The following ADGRL2 variants were observed in gnomAD, a reference collection of about 807,000 sequenced individuals.
The protein encoded by ADGRL2 is calcium-independent alpha-latrotoxin receptor 2.
In ADGRL2, 44 loss-of-function variants were observed where a neutral mutation model predicts 157.4. The observed-to-expected ratio is 0.28, with a 90% confidence interval of 0.22 to 0.36. ADGRL2 has a LOEUF of 0.36. ADGRL2 is among the 10% of genes least tolerant of loss of function. The pLI, the probability that ADGRL2 is intolerant of heterozygous loss-of-function variation, is 1.00. For missense variants in ADGRL2, 1,510 were observed against 1,768.9 expected (o/e 0.85, Z 2.63); for synonymous variants, 585 against 624.7 (o/e 0.94, Z 0.95).
intron 1 of ADGRL2, among the ~76,000 whole-genome samples, chr1:81,831,916 TGC>T (rs1231351009): frequency 6.6e-6 from 1 of 152,174 alleles, no homozygotes. Flanking sequence ...ATCTAAGCTC[TGC>T]TGCTTATTAG....
chr1:81,799,434 A>G (rs1176955733), upstream of ADGRL2, among the ~76,000 whole-genome samples: 1 of 152,220 alleles, frequency 6.6e-6, no homozygotes, highest in Non-Finnish European at 1.5e-5. Flanking sequence ...GAGAATTACA[A>G]TGAAACCACC....
chr1:81,475,673 G>A (rs534087552), intron 2 of ADGRL2, among the ~76,000 whole-genome samples: 1 of 152,050 alleles, frequency 6.6e-6, no homozygotes, highest in East Asian at 1.9e-4. Flanking sequence ...GGATTATTTG[G>A]GGGGAGGAGA....
At position 81,431,448 on chromosome 1, in the gene ADGRL2, C is replaced by T. The variant is rs78993209; in HGVS notation, c.-301-13588C>T. 8.9e-3 allele frequency among the ~76,000 whole-genome samples: 1,350 copies of T among 152,208 alleles called. 16 individuals are homozygous for T. The highest frequency in any genetic ancestry group is 0.047 in the East Asian group (243 of 5,160). On this transcript the variant is annotated intron_variant, in intron 1 of 24. Coordinates refer to the ADGRL2 transcript ENST00000370721. Reference sequence around the variant, plus strand: ...GAGGCTGCCGCTGAAGGGCCACAAACGTGGCCCCTAGAGAATCTTCTGGTC... The same window carrying T: ...GAGGCTGCCGCTGAAGGGCCACAAATGTGGCCCCTAGAGAATCTTCTGGTC...
intron 3 of ADGRL2, among the ~76,000 whole-genome samples, chr1:81,613,900 T>G (rs1316406390): frequency 2.0e-5 from 3 of 152,226 alleles, no homozygotes; most frequent in East Asian, 3.8e-4. Flanking sequence ...GAATCTCATT[T>G]CTGTTCTAAA....
intron 19 of ADGRL2, 125 bp downstream of exon 19, chr1:81,982,101 T>C (rs1481816597): frequency 3.8e-6 from 3 of 790,774 alleles, no homozygotes; most frequent in Non-Finnish European, 5.6e-6. Context: ...TTTTTAATTA[T>C]AAGTTAATTT....
At chr1:81,819,630 G>T (rs1414059639) in intron 1 of ADGRL2, among the ~76,000 whole-genome samples, 1 of 151,834 alleles carries the variant, frequency 6.6e-6, no homozygotes, top group Non-Finnish European at 1.5e-5. Flanking sequence ...CGATATTCAG[G>T]CTACATGATC....
At chr1:81,394,992 A>G (rs1557656210) in intron 1 of ADGRL2, among the ~76,000 whole-genome samples, 2 of 152,020 alleles carry the variant, frequency 1.3e-5, no homozygotes, top group East Asian at 3.9e-4. Flanking sequence ...TCCACCTCCC[A>G]GGTTCAAGCA....
rs11809789 is a variant in ADGRL2, at chr1:81,609,167, G to A, written c.-143+28187G>A. Among the ~76,000 whole-genome samples, 350 of 152,024 alleles carry A rather than the reference G, an allele frequency of 2.3e-3. 3 individuals are homozygous for A. Among genetic ancestry groups the A allele is most frequent in the African/African-American group, 7.8e-3 (324 of 41,468 alleles). On this transcript the variant is annotated intron_variant, in intron 3 of 24. Coordinates refer to the ADGRL2 transcript ENST00000370721. ...TGATTCTCGTGCCTTAGCCACCCAA[G>A]TAGCTAGAGTTACAGCTGCGTGCCA... is the stretch of plus-strand genomic sequence containing the variant.
chr1:81,950,417 G>T lies in ADGRL2; in HGVS notation c.1439G>T (p.Gly480Val). 1 of 1,613,926 alleles carries T rather than the reference G, an allele frequency of 6.2e-7. No homozygotes were observed. The highest frequency in any genetic ancestry group is 8.5e-7 in the Non-Finnish European group (1 of 1,179,900). The change falls in exon 7 of 24, where the codon GGG (glycine) becomes GTG (valine). Residue 480 changes from glycine (G) to valine (V), a missense_variant. Gly to Val is a moderately radical substitution (Grantham distance 109). Around this residue, in one of 4 missense-constraint regions of ADGRL2, gnomAD observed 325 missense variants for 333.2 expected, o/e 0.98. Coordinates refer to ENST00000686636, the MANE Select transcript of ADGRL2 (RefSeq NM_001366006.2). Reference sequence around the variant, plus strand: ...TTCTGTGAAGCATTAGACTCCAAGGGGATAAAGTGGCCTCAGACACAAAGG... The same window carrying T: ...TTCTGTGAAGCATTAGACTCCAAGGTGATAAAGTGGCCTCAGACACAAAGG... ...ERFCEALDSK[G>V]IKWPQTQRGM...
chr1:81,776,387 C>T (rs1439798142), intron 2 of ADGRL2, among the ~76,000 whole-genome samples: 4 of 152,078 alleles, frequency 2.6e-5, no homozygotes, highest in Admixed American at 6.6e-5. Context: ...TGGGGTTTCA[C>T]CATGTTGGCC....
At chr1:81,883,923 C>A (rs892738869) in intron 2 of ADGRL2, among the ~76,000 whole-genome samples, 3 of 151,858 alleles carry the variant, frequency 2.0e-5, no homozygotes, top group Non-Finnish European at 2.9e-5. Flanking sequence ...TCCTTAGTTG[C>A]CAGCTTTTTG....
intron 1 of ADGRL2, among the ~76,000 whole-genome samples, chr1:81,439,637 G>T (rs11163295): frequency 0.48 from 73,308 of 152,078 alleles, 19,773 homozygotes; most frequent in Non-Finnish European, 0.6. Flanking sequence ...CGCCTTGAGG[G>T]GAATGCAGCA....
intron 2 of ADGRL2, among the ~76,000 whole-genome samples, chr1:81,789,803 A>G (rs1267283052): frequency 6.6e-6 from 1 of 151,862 alleles, no homozygotes; most frequent in East Asian, 1.9e-4. Context: ...TTTTTTGGAC[A>G]TTTCTATTAG....
intron 2 of ADGRL2, among the ~76,000 whole-genome samples, chr1:81,516,228 C>T (rs2079174696): frequency 6.6e-6 from 1 of 152,058 alleles, no homozygotes; most frequent in Non-Finnish European, 1.5e-5. Context: ...ATGCATTTTA[C>T]TTTTTTTATT....
chr1:81,856,543 T>C (rs1160810249), intron 2 of ADGRL2, among the ~76,000 whole-genome samples: 1 of 152,138 alleles, frequency 6.6e-6, no homozygotes, highest in African/African-American at 2.4e-5. Context: ...TAGCAGTGCC[T>C]ATCAGCAGAT....
rs12030716 is a variant in ADGRL2, at chr1:81,437,018, C to T, written c.-301-8018C>T. The stretch of plus-strand genomic sequence containing the variant: ...ATTCTCAACAAAATGTGTTCATAAA[C>T]ATTTACCTTTTTCTTTCATATTTGT... On this transcript the variant is annotated intron_variant, in intron 1 of 24. Coordinates refer to the ADGRL2 transcript ENST00000370721. Among the ~76,000 whole-genome samples, 1,421 of 152,300 alleles carry T rather than the reference C, an allele frequency of 9.3e-3. 24 individuals are homozygous for T. The highest frequency in any genetic ancestry group is 0.056 in the South Asian group (273 of 4,834).
chr1:81,462,926 G>A (rs2077969543), intron 2 of ADGRL2, among the ~76,000 whole-genome samples: 1 of 151,864 alleles, frequency 6.6e-6, no homozygotes, highest in Admixed American at 6.6e-5. Flanking sequence ...ACCACCCTGG[G>A]CAACTTGGCA....
intron 1 of ADGRL2, among the ~76,000 whole-genome samples, chr1:81,332,036 G>A (rs966714520): frequency 3.3e-5 from 5 of 152,000 alleles, no homozygotes; most frequent in African/African-American, 1.2e-4. Flanking sequence ...TCTTTCCATG[G>A]GCCCAAGTTG....
chr1:81,517,206 C>T (rs2079198404), intron 2 of ADGRL2, among the ~76,000 whole-genome samples: 1 of 152,112 alleles, frequency 6.6e-6, no homozygotes, highest in South Asian at 2.1e-4. Context: ...GGCACGGTGG[C>T]TCACGCCTGT....
Sources: gnomAD v4.1 joint callset for allele counts (sites outside exome capture counted in the v4.1 genomes callset) on GRCh38, gnomAD v4.1.1 for gene constraint, gnomAD v4.1.1 regional missense constraint, MANE v1.5 for transcripts, NCBI Gene and HGNC (gene_info 2026-07-23, HGNC 2026-07-21) for gene names.